Variants in CNTNAP2 observed in about 807,000 individuals in gnomAD.
The protein encoded by CNTNAP2 is contactin-associated protein-like 2.
In CNTNAP2, 98 loss-of-function variants were observed where a neutral mutation model predicts 155.2. The observed-to-expected ratio is 0.63, with a 90% CI of 0.54 to 0.75. The LOEUF is 0.75. Among genes scored for constraint, CNTNAP2 ranks in the 30% least tolerant of loss-of-function variants. The pLI is 0.00. For missense variants in CNTNAP2, 1,727 were observed against 1,688.1 expected (o/e 1.02, Z -0.40); for synonymous variants, 651 against 631.2 (o/e 1.03, Z -0.47).
intron 8 of CNTNAP2, among the ~76,000 whole-genome samples, chr7:147,140,052 C>T (rs1184493972): frequency 6.6e-6 from 1 of 151,990 alleles, no homozygotes; most frequent in Admixed American, 6.6e-5. Context: ...TTTCTGAGTC[C>T]TCTTTCTTCT....
chr7:146,555,597 T>C (rs908331302), intron 1 of CNTNAP2, among the ~76,000 whole-genome samples: 1 of 152,080 alleles, frequency 6.6e-6, no homozygotes, highest in African/African-American at 2.4e-5. Context: ...ATGAGGGAGA[T>C]TGTAGACTGT....
In CNTNAP2 at chr7:147,919,459, C is replaced by CTTTCTTTTTTTTTTTTTTTTTTTTTTTT; in HGVS notation, c.2255+15741_2255+15742insCTTTTTTTTTTTTTTTTTTTTTTTTTTT. ...CACCATGTCTGGCTACTTTTTCTTT[C>CTTTCTTTTTTTTTTTTTTTTTTTTTTTT]TTTTTTTTTTTTTTTTTGAGACAGA... On this transcript the variant is annotated intron_variant, in intron 14 of 23. Transcript: ENST00000361727. Among the ~76,000 whole-genome samples, 127 of 51,208 alleles carry CTTTCTTTTTTTTTTTTTTTTTTTTTTTT rather than the reference C, an allele frequency of 2.5e-3. 35 individuals carry two copies. Among genetic ancestry groups the CTTTCTTTTTTTTTTTTTTTTTTTTTTTT allele is most frequent in the East Asian group, 4.0e-3 (5 of 1,252 alleles). 33.6% of individuals were successfully genotyped at this position (51,208 alleles called of 152,430 possible). A position where few individuals can be genotyped will look rare whatever the true frequency, so the allele number is the denominator to read the frequency against.
intron 11 of CNTNAP2, among the ~76,000 whole-genome samples, chr7:147,504,387 T>C (rs982722880): frequency 2.0e-5 from 3 of 152,076 alleles, no homozygotes; most frequent in Admixed American, 6.5e-5. Context: ...AGACAGTATA[T>C]AATCATTAAA....
intron 12 of CNTNAP2, among the ~76,000 whole-genome samples, chr7:147,573,787 A>G (rs568964154): frequency 1.3e-5 from 2 of 152,282 alleles, no homozygotes; most frequent in South Asian, 4.1e-4. Flanking sequence ...TTATCCAAGA[A>G]TGTCTTCATC....
At chr7:147,181,917 TA>T (rs1802464042) in intron 8 of CNTNAP2, among the ~76,000 whole-genome samples, 1 of 151,818 alleles carries the variant, frequency 6.6e-6, no homozygotes, top group African/African-American at 2.4e-5. Flanking sequence ...ACTAGGTCAG[TA>T]GTTCGAGACC....
chr7:148,160,168 A>T (rs1805491071), intron 17 of CNTNAP2, among the ~76,000 whole-genome samples: 1 of 152,178 alleles, frequency 6.6e-6, no homozygotes, highest in South Asian at 2.1e-4. Flanking sequence ...TGAGCCCAGG[A>T]GGTCTAGGCT....
intron 9 of CNTNAP2, among the ~76,000 whole-genome samples, chr7:147,306,693 A>T (rs1444804645): frequency 6.6e-6 from 1 of 152,204 alleles, no homozygotes; most frequent in Non-Finnish European, 1.5e-5. Context: ...ACACCCAGCT[A>T]AGACTTGGGG....
At chr7:148,144,089 AT>A (rs751901184) in intron 16 of CNTNAP2, among the ~76,000 whole-genome samples, 9 of 152,168 alleles carry the variant, frequency 5.9e-5, no homozygotes, top group Non-Finnish European at 1.0e-4. Context: ...AAAGTGACTA[AT>A]TATTGGGAGA....
chr7:146,483,274 T>TAAAAAAAA (rs1172354064), intron 1 of CNTNAP2, among the ~76,000 whole-genome samples: 8 of 40,862 alleles, frequency 2.0e-4, no homozygotes, highest in East Asian at 1.1e-3. Context: ...AGACTCCGTC[T>TAAAAAAAA]AAAAAAAAAT....
At chr7:147,651,441 T>C (rs568822944) in intron 13 of CNTNAP2, among the ~76,000 whole-genome samples, 1 of 152,234 alleles carries the variant, frequency 6.6e-6, no homozygotes, top group Non-Finnish European at 1.5e-5. Context: ...CGTAGCTAAG[T>C]TGACAGATAA....
intron 13 of CNTNAP2, among the ~76,000 whole-genome samples, chr7:147,698,896 GTAAA>G (rs199513498): frequency 2.0e-5 from 3 of 152,060 alleles, no homozygotes; most frequent in East Asian, 3.9e-4. Flanking sequence ...ATTAGAAAAA[GTAAA>G]TAAATAAATA....
intron 1 of CNTNAP2, among the ~76,000 whole-genome samples, chr7:146,353,877 T>C (rs1202204072): frequency 6.6e-6 from 1 of 152,170 alleles, no homozygotes; most frequent in African/African-American, 2.4e-5. Flanking sequence ...AACAAACCTT[T>C]ATTTAAATTG....
rs376757262 is a variant in CNTNAP2, at chr7:146,839,701, C to A, written c.209-10C>A. On this transcript the variant is annotated splice_polypyrimidine_tract_variant and intron_variant, in intron 2 of 23. Coordinates refer to ENST00000361727, the MANE Select transcript of CNTNAP2 (RefSeq NM_014141.6). ...ATTCATTTTCCCATCTTACCTCTGC[C>A]CATCTTCAGGTGCTGGGGGATGGTC... 1 of 1,614,070 alleles carries A rather than the reference C, an allele frequency of 6.2e-7. No homozygotes were observed. The highest frequency in any genetic ancestry group is 8.5e-7 in the Non-Finnish European group (1 of 1,179,958).
Position 147,814,559 on chromosome 7 carries a change from G to A in CNTNAP2, c.2099-89006G>A, listed in dbSNP as rs1368157814. 7.9e-5 allele frequency among the ~76,000 whole-genome samples: 12 copies of A among 152,136 alleles called. 1 individual carries two copies. The South Asian group carries it at 1.4e-3, about 18-fold the overall frequency. On this transcript the variant is annotated intron_variant, in intron 13 of 23. Coordinates refer to ENST00000361727, the MANE Select transcript of CNTNAP2 (RefSeq NM_014141.6). Reference sequence around the variant, plus strand: ...CATTATTCAATTAAAGAAAGTATTTGCCTCGCCCTTTAAAACCTTCATTTT... The same window carrying A: ...CATTATTCAATTAAAGAAAGTATTTACCTCGCCCTTTAAAACCTTCATTTT...
intron 19 of CNTNAP2, among the ~76,000 whole-genome samples, chr7:148,225,101 T>G (rs762615330): frequency 6.6e-6 from 1 of 152,254 alleles, no homozygotes; most frequent in African/African-American, 2.4e-5. Flanking sequence ...CAGGCACTAT[T>G]CTAGACATTG....
intron 3 of CNTNAP2, among the ~76,000 whole-genome samples, chr7:146,858,030 A>T (rs1217187518): frequency 6.6e-6 from 1 of 152,218 alleles, no homozygotes. Context: ...AGAAGACGTG[A>T]CATTAGCTTA....
At chr7:147,925,248 A>C (rs1800371135) in intron 14 of CNTNAP2, among the ~76,000 whole-genome samples, 2 of 146,420 alleles carry the variant, frequency 1.4e-5, no homozygotes, top group African/African-American at 2.5e-5. Flanking sequence ...AGTACCCCCT[A>C]CCCCCTACAC....
intron 8 of CNTNAP2, among the ~76,000 whole-genome samples, chr7:147,162,847 A>AGG (rs1802052339): frequency 6.6e-6 from 1 of 152,218 alleles, no homozygotes. Context: ...GTTTCTCAGC[A>AGG]ATCATGTTAC....
intron 1 of CNTNAP2, among the ~76,000 whole-genome samples, chr7:146,288,256 C>T (rs1482888891): frequency 6.7e-6 from 1 of 149,514 alleles, no homozygotes; most frequent in Non-Finnish European, 1.5e-5. Context: ...TGTGACTGAG[C>T]CACTGCACTC....
Sources: allele counts gnomAD v4.1 joint callset (sites outside exome capture counted in the v4.1 genomes callset), GRCh38; gene constraint gnomAD v4.1.1; transcripts MANE v1.5; gene names NCBI Gene and HGNC (gene_info 2026-07-23, HGNC 2026-07-21).